The following MYH9 variants were observed in gnomAD, a reference collection of about 807,000 sequenced individuals.
The protein encoded by MYH9 is myosin heavy chain 9.
MYH9 carries 29 observed loss-of-function variants against 241.9 expected under a neutral mutation model. The observed-to-expected ratio is 0.12, with a 90% CI of 0.09 to 0.16. The LOEUF (loss-of-function observed/expected upper bound fraction) is 0.16, where lower values mean the gene tolerates loss of function less well. MYH9 is among the 10% of genes least tolerant of loss of function. The pLI, the probability that MYH9 is intolerant of heterozygous loss-of-function variation, is 1.00. For synonymous variants in MYH9, 1,047 were observed against 1,062.6 expected, an observed-to-expected ratio of 0.99 and a Z score of 0.29; for missense variants, 1,803 against 2,595.5, an observed-to-expected ratio of 0.69 and a Z score of 6.63.
At chr22:36,382,261 G>A (rs1403115690) in intron 1 of MYH9, among the ~76,000 whole-genome samples, 1 of 152,072 alleles carries the variant, frequency 6.6e-6, no homozygotes, top group African/African-American at 2.4e-5. Flanking sequence ...GATCACCTGA[G>A]GTCAGCAGTT....
intron 1 of MYH9, among the ~76,000 whole-genome samples, chr22:36,350,913 GT>G (rs1394858582): frequency 6.6e-6 from 1 of 152,052 alleles, no homozygotes; most frequent in Non-Finnish European, 1.5e-5. Flanking sequence ...GATCAGGAAG[GT>G]TTTTTTTCCC....
chr22:36,367,436 C>G (rs2018027674), intron 1 of MYH9, among the ~76,000 whole-genome samples: 1 of 152,206 alleles, frequency 6.6e-6, no homozygotes, highest in Non-Finnish European at 1.5e-5. Flanking sequence ...ATATAGAAGG[C>G]ATGGCAGGCA....
intron 2 of MYH9, among the ~76,000 whole-genome samples, chr22:36,345,311 CAAA>C (rs61363468): frequency 2.5e-4 from 23 of 90,582 alleles, no homozygotes; most frequent in African/African-American, 4.5e-4. Flanking sequence ...GACTCCGTCT[CAAA>C]AAAAAAAAAA....
At chr22:36,380,435 C>G (rs1166676157) in intron 1 of MYH9, among the ~76,000 whole-genome samples, 1 of 152,074 alleles carries the variant, frequency 6.6e-6, no homozygotes. Flanking sequence ...TGCAATGACC[C>G]CAAGTTAAAA....
intron 3 of MYH9, among the ~76,000 whole-genome samples, chr22:36,339,663 A>T (rs2146382699): frequency 6.6e-6 from 1 of 152,348 alleles, no homozygotes; most frequent in African/African-American, 2.4e-5. Flanking sequence ...AAAGTGGTTA[A>T]CCCAACAAGA....
intron 6 of MYH9, 34 bp from the exon 7 acceptor site, chr22:36,321,855 G>A: frequency 6.3e-7 from 1 of 1,583,916 alleles, no homozygotes; most frequent in Non-Finnish European, 8.7e-7. Context: ...GATCAGAGGT[G>A]CCCCTGACAT....
At chr22:36,312,328 G>A (rs540778390) in intron 13 of MYH9, 106 bp from the exon 14 acceptor site, 16 of 1,171,668 alleles carry the variant, frequency 1.4e-5, no homozygotes, top group South Asian at 7.9e-5. Flanking sequence ...TCCCACAGAC[G>A]GTGGGCGACA....
At chr22:36,301,261 A>G (rs1221160437) in intron 21 of MYH9, among the ~76,000 whole-genome samples, 3 of 152,196 alleles carry the variant, frequency 2.0e-5, no homozygotes, top group African/African-American at 7.2e-5. Flanking sequence ...CTCCAGAGCA[A>G]GGTCCCAGGA....
chr22:36,386,056 C>G (rs1377858929), intron 1 of MYH9, among the ~76,000 whole-genome samples: 1 of 152,190 alleles, frequency 6.6e-6, no homozygotes, highest in African/African-American at 2.4e-5. Context: ...TGCCACTTTC[C>G]CCTTGAGGAC....
chr22:36,315,951 T>G (rs559806452), intron 12 of MYH9, among the ~76,000 whole-genome samples: 1 of 151,042 alleles, frequency 6.6e-6, no homozygotes, highest in African/African-American at 2.4e-5. Context: ...GGTGCGAGGA[T>G]CAGTTAAGCC....
At chr22:36,327,438 T>G in intron 4 of MYH9, 23 bp downstream of exon 4, 1 of 1,613,840 alleles carries the variant, frequency 6.2e-7, no homozygotes, top group Non-Finnish European at 8.5e-7. Flanking sequence ...AACGAACCAC[T>G]ACCCAGACGG....
intron 1 of MYH9, among the ~76,000 whole-genome samples, chr22:36,376,262 G>C (rs1407129755): frequency 4.6e-5 from 7 of 152,082 alleles, no homozygotes; most frequent in African/African-American, 1.2e-4. Context: ...TGTCCGGCCA[G>C]TAAACTTTAA....
At chr22:36,318,878 C>T (rs2146361746) in intron 10 of MYH9, among the ~76,000 whole-genome samples, 1 of 152,272 alleles carries the variant, frequency 6.6e-6, no homozygotes, top group Admixed American at 6.5e-5. Flanking sequence ...ATTCTCCTGC[C>T]TCAACCTCCC....
At chr22:36,307,054 T>C (rs2016981859) in intron 15 of MYH9, among the ~76,000 whole-genome samples, 1 of 152,170 alleles carries the variant, frequency 6.6e-6, no homozygotes, top group Non-Finnish European at 1.5e-5. Flanking sequence ...GAATTCTCAC[T>C]GACCCTGTCA....
chr22:36,339,570 C>T (rs1364212035), intron 3 of MYH9, among the ~76,000 whole-genome samples: 1 of 152,206 alleles, frequency 6.6e-6, no homozygotes, highest in African/African-American at 2.4e-5. Flanking sequence ...TCAAGCTCAA[C>T]AGTAAAATGC....
intron 30 of MYH9, among the ~76,000 whole-genome samples, chr22:36,292,583 C>T (rs2016724461): frequency 6.6e-6 from 1 of 152,194 alleles, no homozygotes; most frequent in Admixed American, 6.5e-5. Flanking sequence ...CCCCATCACC[C>T]AGCCCCATCC....
Position 36,305,181 on chromosome 22 carries a change from C to T in MYH9, c.2160-79G>A, listed in dbSNP as rs1253408995. On this transcript the variant is annotated intron_variant, in intron 17 of 40. Transcript: ENST00000216181. This position sits in a 1 kb window ranked among gnomAD's most constrained non-coding sequence, Gnocchi z 4.7. ...GCCTGGAATATAGGCGAGAGATTAA[C>T]ATCATTTCTACAATGCAACAGACAC... 5.0e-5 allele frequency: 62 copies of T among 1,240,358 alleles called. No individual in the cohort carries two copies. The highest frequency in any genetic ancestry group is 6.9e-5 in the Admixed American group (4 of 58,022). The allele number at this position is 1,240,358 out of a possible 1,614,324, so 76.8% of individuals were successfully genotyped here.
chr22:36,283,041 C>T (rs533056720), intron 40 of MYH9, among the ~76,000 whole-genome samples: 19 of 152,308 alleles, frequency 1.2e-4, no homozygotes, highest in African/African-American at 4.6e-4. Context: ...AAAAACAGCT[C>T]AGGCAAACAG....
chr22:36,302,761 G>T, intron 19 of MYH9, 85 bp from the exon 20 acceptor site: 1 of 1,215,822 alleles, frequency 8.2e-7, no homozygotes, highest in East Asian at 2.5e-5. Context: ...AAGCTTTTCT[G>T]GGGGTCTACC....
Sources: allele counts gnomAD v4.1 joint callset (sites outside exome capture counted in the v4.1 genomes callset), GRCh38; gene constraint gnomAD v4.1.1; non-coding constraint Gnocchi (gnomAD v3.1); transcripts MANE v1.5; gene names NCBI Gene and HGNC (gene_info 2026-07-23, HGNC 2026-07-21).